Variants in C19orf38 observed in about 807,000 individuals in gnomAD.
C19orf38 encodes chromosome 19 open reading frame 38, also known as protein HIDE1.
C19orf38 carries 14 observed loss-of-function variants against 26.6 expected under a neutral mutation model. That is an observed-to-expected ratio of 0.53 (90% CI 0.35 to 0.82). C19orf38 has a LOEUF of 0.82. C19orf38 is among the 40% of genes least tolerant of loss of function. The pLI is 0.01. For synonymous variants in C19orf38, 132 were observed against 128.5 expected (o/e 1.03, Z -0.18); for missense variants, 261 against 299.5 (o/e 0.87, Z 0.95).
intron 5 of C19orf38, among the ~76,000 whole-genome samples, chr19:10,861,642 A>G (rs1038089426): frequency 1.3e-5 from 2 of 151,734 alleles, no homozygotes; most frequent in African/African-American, 4.9e-5. Context: ...CAGTGGCACG[A>G]TCTCAGCTTA....
intron 2 of C19orf38, among the ~76,000 whole-genome samples, chr19:10,855,000 G>T (rs1021679840): frequency 1.6e-4 from 23 of 145,756 alleles, no homozygotes; most frequent in South Asian, 4.5e-4. Context: ...ATGGAGGCAA[G>T]ATTGTGCCCT....
At chr19:10,859,850 G>A (rs1012747420) in intron 4 of C19orf38, 65 bp from the exon 5 acceptor site, 76 of 1,469,862 alleles carry the variant, frequency 5.2e-5, no homozygotes, top group Admixed American at 7.9e-5. Flanking sequence ...GGGCTTTCCC[G>A]ATCAAGCCTC....
At position 10,860,406 on chromosome 19, in the gene C19orf38, C is replaced by T. The variant is rs141588912; in HGVS notation, c.505+448C>T. Among the ~76,000 whole-genome samples the T allele has an allele frequency of 1.9e-4, 28 of 151,066 alleles. No homozygotes were observed. In the East Asian group the frequency reaches 4.5e-3, roughly 24 times the overall value. Reference sequence around the variant, plus strand: ...AAAATTAGCAGGGTGTGGTGGCGGACACCTGTAATCCCAGCTACTTGGGAG... The same window carrying T: ...AAAATTAGCAGGGTGTGGTGGCGGATACCTGTAATCCCAGCTACTTGGGAG... On this transcript the variant is annotated intron_variant, in intron 5 of 6. Coordinates refer to ENST00000397820, the MANE Select transcript of C19orf38 (RefSeq NM_001136482.3).
chr19:10,865,603 G>T (rs755313496), intron 6 of C19orf38, among the ~76,000 whole-genome samples: 10 of 152,102 alleles, frequency 6.6e-5, no homozygotes, highest in Non-Finnish European at 1.3e-4. Flanking sequence ...CTGCACTCCA[G>T]CCTGGGTGAC....
chr19:10,842,127 T>G, intron 1 of C19orf38: 1 of 1,579,688 alleles, frequency 6.3e-7, no homozygotes, highest in Non-Finnish European at 8.7e-7. Flanking sequence ...CTCAGTTGAC[T>G]CATTCACTCA....
chr19:10,849,288 T>C (rs2073545585), intron 1 of C19orf38, among the ~76,000 whole-genome samples: 1 of 152,184 alleles, frequency 6.6e-6, no homozygotes, highest in Admixed American at 6.5e-5. Flanking sequence ...CCCAAAGTGC[T>C]GGGATTACAG....
At chr19:10,857,592 T>C (rs980990162) in intron 3 of C19orf38, among the ~76,000 whole-genome samples, 6 of 151,098 alleles carry the variant, frequency 4.0e-5, no homozygotes, top group Admixed American at 2.6e-4. Context: ...TTTTGTATTT[T>C]TAGTGGAGAC....
At chr19:10,863,114 G>A in intron 5 of C19orf38, 56 bp from the exon 6 acceptor site, 1 of 1,510,078 alleles carries the variant, frequency 6.6e-7, no homozygotes, top group Non-Finnish European at 9.0e-7. Context: ...ATGGCAGGGA[G>A]CAGGGAAGTT....
At chr19:10,860,246 T>C in intron 5 of C19orf38, 1 of 364,312 alleles carries the variant, frequency 2.7e-6, no homozygotes, top group South Asian at 4.2e-5. Context: ...AGAAATACAA[T>C]TAGGCGGCCA....
chr19:10,865,571 G>A (rs1483889996), intron 6 of C19orf38, among the ~76,000 whole-genome samples: 1 of 152,078 alleles, frequency 6.6e-6, no homozygotes, highest in African/African-American at 2.4e-5. Context: ...GGTTGAGTCT[G>A]CAGTGAGCTA....
At position 10,863,142 on chromosome 19, in the gene C19orf38, C is replaced by T. The variant is rs878927420; in HGVS notation, c.506-28C>T. 3.2e-6 allele frequency: 5 copies of T among 1,549,788 alleles called. No individual in the cohort carries two copies. In the South Asian group the frequency reaches 6.0e-5, roughly 18 times the overall value. On this transcript the variant is annotated intron_variant, in intron 5 of 6. Coordinates refer to ENST00000397820, the MANE Select transcript of C19orf38 (RefSeq NM_001136482.3). ...GGGAAGTTACAACTGGCCCCCAATC[C>T]TGGGTTTTCTTTCTCTTTCTGTTTC...
Position 10,869,658 on chromosome 19 carries a change from T to G in C19orf38, c.*291T>G. 1 of 409,752 alleles carries G rather than the reference T, an allele frequency of 2.4e-6. No individual in the cohort carries two copies. Among genetic ancestry groups the G allele is most frequent in the Non-Finnish European group, 4.3e-6 (1 of 230,158 alleles). The allele number at this position is 409,752 out of a possible 1,614,324, so 25.4% of individuals were successfully genotyped here. A position where few individuals can be genotyped will look rare whatever the true frequency, so the allele number is the denominator to read the frequency against. On this transcript the variant is annotated 3_prime_UTR_variant, in exon 7 of 7. Coordinates refer to ENST00000397820, the MANE Select transcript of C19orf38 (RefSeq NM_001136482.3). ...TGTCCCCCAGCTGGGCCATAAGACG[T>G]CCCAGGTCTCTGCACACCCGTGGAA...
intron 1 of C19orf38, chr19:10,842,231 C>A: frequency 8.3e-7 from 1 of 1,211,968 alleles, no homozygotes; most frequent in Non-Finnish European, 1.2e-6. Context: ...TACCACAGAA[C>A]CATCTCTTGG....
chr19:10,841,537 A>C (rs982156848), intron 1 of C19orf38, among the ~76,000 whole-genome samples: 4 of 152,176 alleles, frequency 2.6e-5, no homozygotes, highest in Admixed American at 2.6e-4. Context: ...TCACGCCTGT[A>C]ATCCCAGCAC....
chr19:10,857,932 A>AAGAAAGAAAGAAAGAT (rs1202894514), intron 3 of C19orf38, among the ~76,000 whole-genome samples: 6 of 148,092 alleles, frequency 4.1e-5, no homozygotes, highest in Non-Finnish European at 9.0e-5. Context: ...GAAAGAAAGA[A>AAGAAAGAAAGAAAGAT]AAATCTGAGG....
chr19:10,847,642 TA>T (rs1270293791), upstream of C19orf38, among the ~76,000 whole-genome samples: 3 of 152,004 alleles, frequency 2.0e-5, no homozygotes, highest in East Asian at 5.8e-4. Flanking sequence ...GTGCTGGGAT[TA>T]CAGGCGTGAG....
intron 6 of C19orf38, among the ~76,000 whole-genome samples, chr19:10,867,471 AG>A (rs2073763187): frequency 6.8e-6 from 1 of 147,130 alleles, no homozygotes; most frequent in Non-Finnish European, 1.5e-5. Flanking sequence ...AAAAAAAATT[AG>A]CCGGGCATGG....
chr19:10,862,655 C>T (rs2073712388), intron 5 of C19orf38, among the ~76,000 whole-genome samples: 2 of 151,984 alleles, frequency 1.3e-5, no homozygotes, highest in African/African-American at 4.8e-5. Context: ...CATGGTGAAT[C>T]CCTATCTCTA....
chr19:10,869,202 T>C lies in C19orf38; in HGVS notation c.544-16T>C. 6.4e-7 allele frequency: 1 copy of C among 1,551,598 alleles called. No individual in the cohort carries two copies. The highest frequency in any genetic ancestry group is 1.2e-5 in the South Asian group (1 of 84,056). Reference sequence around the variant, plus strand: ...CCAAATCACCCACTTCTGTGTTTCTTCTTACATGGACAAAGAAAACGATGC... The same window carrying C: ...CCAAATCACCCACTTCTGTGTTTCTCCTTACATGGACAAAGAAAACGATGC... On this transcript the variant is annotated splice_polypyrimidine_tract_variant and intron_variant, in intron 6 of 6. Transcript: ENST00000397820.
Sources: gnomAD v4.1 joint callset for allele counts (sites outside exome capture counted in the v4.1 genomes callset) on GRCh38, gnomAD v4.1.1 for gene constraint, MANE v1.5 for transcripts, NCBI Gene and HGNC (gene_info 2026-07-23, HGNC 2026-07-21) for gene names.